The following NELL1 variants were observed in gnomAD, a reference collection of about 807,000 sequenced individuals.
NELL1 encodes the protein neural EGFL like 1, also known as protein kinase C-binding protein NELL1.
Under a neutral mutation model 107.4 loss-of-function variants are expected in NELL1, and 76 were observed. The ratio of observed to expected loss-of-function variants is 0.71; its 90% CI spans 0.59 to 0.86. The LOEUF is 0.86. NELL1 is among the 40% of genes least tolerant of loss of function. The pLI, the probability that NELL1 is intolerant of heterozygous loss-of-function variation, is 0.00. For missense variants in NELL1, 1,024 were observed against 1,005.5 expected, an observed-to-expected ratio of 1.02 and a Z score of -0.25; for synonymous variants, 353 against 341.2, an observed-to-expected ratio of 1.03 and a Z score of -0.38.
chr11:20,780,510 A>T (rs754801621), intron 2 of NELL1, among the ~76,000 whole-genome samples: 3 of 152,346 alleles, frequency 2.0e-5, no homozygotes, highest in South Asian at 2.1e-4. Context: ...TGGATAAAAC[A>T]ATGGATAAAT....
intron 15 of NELL1, among the ~76,000 whole-genome samples, chr11:21,517,668 C>A (rs906636608): frequency 2.0e-5 from 3 of 152,074 alleles, no homozygotes. Flanking sequence ...CTATGGCTAA[C>A]CCACACCATA....
At chr11:21,025,748 A>G (rs1474917482) in intron 12 of NELL1, among the ~76,000 whole-genome samples, 1 of 152,086 alleles carries the variant, frequency 6.6e-6, no homozygotes, top group African/African-American at 2.4e-5. Context: ...CTAGACTGAT[A>G]TTTTACTGAT....
chr11:21,163,445 G>A (rs889480298), intron 13 of NELL1, among the ~76,000 whole-genome samples: 7 of 152,140 alleles, frequency 4.6e-5, no homozygotes, highest in African/African-American at 1.7e-4. Flanking sequence ...GATGGGTTTG[G>A]CAGCTACGCT....
At chr11:21,554,238 T>C in intron 16 of NELL1, among the ~76,000 whole-genome samples, 1 of 151,908 alleles carries the variant, frequency 6.6e-6, no homozygotes, top group Non-Finnish European at 1.5e-5. Flanking sequence ...TTTCTTCGTC[T>C]ACAGTAAAAC....
chr11:20,761,555 T>C (rs555203143), intron 2 of NELL1, among the ~76,000 whole-genome samples: 2 of 152,342 alleles, frequency 1.3e-5, no homozygotes, highest in South Asian at 4.1e-4. Flanking sequence ...TAATCTTAGA[T>C]TTGTTTGTAA....
chr11:21,561,515 A>G (rs550092517), intron 17 of NELL1, among the ~76,000 whole-genome samples: 1 of 152,212 alleles, frequency 6.6e-6, no homozygotes, highest in African/African-American at 2.4e-5. Flanking sequence ...CACTACTTTG[A>G]AAGACAATGA....
intron 14 of NELL1, among the ~76,000 whole-genome samples, chr11:21,301,176 G>C (rs1279864624): frequency 6.6e-6 from 1 of 152,058 alleles, no homozygotes; most frequent in East Asian, 1.9e-4. Context: ...CCAAGTCTTT[G>C]CTATTGTGAA....
intron 3 of NELL1, among the ~76,000 whole-genome samples, chr11:20,816,769 T>C (rs546799881): frequency 2.6e-5 from 4 of 152,338 alleles, no homozygotes; most frequent in African/African-American, 9.6e-5. Context: ...TGTTGTTGGC[T>C]GTTGGTTTGT....
At chr11:21,278,426 T>G (rs1374315776) in intron 14 of NELL1, among the ~76,000 whole-genome samples, 1 of 152,094 alleles carries the variant, frequency 6.6e-6, no homozygotes, top group Non-Finnish European at 1.5e-5. Flanking sequence ...CTGAAACTAG[T>G]AAGTGACTAT....
At chr11:21,019,898 A>G (rs910996526) in intron 12 of NELL1, among the ~76,000 whole-genome samples, 1 of 152,066 alleles carries the variant, frequency 6.6e-6, no homozygotes, top group Non-Finnish European at 1.5e-5. Flanking sequence ...CTGCACTTAC[A>G]TCAACCACTG....
chr11:21,366,882 G>A (rs556667334), intron 14 of NELL1, among the ~76,000 whole-genome samples: 1 of 152,186 alleles, frequency 6.6e-6, no homozygotes, highest in East Asian at 1.9e-4. Context: ...AGAAGATTAT[G>A]AGAAGTGTTT....
intron 14 of NELL1, among the ~76,000 whole-genome samples, chr11:21,244,314 A>T (rs571105698): frequency 1.1e-3 from 162 of 152,248 alleles, no homozygotes; most frequent in African/African-American, 3.5e-3. Context: ...ATGCTTATTA[A>T]CTTTAAATAG....
chr11:21,002,809 T>C (rs1852252251), intron 12 of NELL1, among the ~76,000 whole-genome samples: 1 of 152,190 alleles, frequency 6.6e-6, no homozygotes, highest in African/African-American at 2.4e-5. Flanking sequence ...CACCTGCAGT[T>C]GTCACACTCT....
intron 14 of NELL1, among the ~76,000 whole-genome samples, chr11:21,272,922 C>T (rs1004091849): frequency 6.6e-6 from 1 of 152,050 alleles, no homozygotes; most frequent in Non-Finnish European, 1.5e-5. Flanking sequence ...TCATCAAAGA[C>T]CAAAGGTAGA....
chr11:21,218,498 C>T (rs1857672774), intron 13 of NELL1, among the ~76,000 whole-genome samples: 1 of 152,100 alleles, frequency 6.6e-6, no homozygotes, highest in Non-Finnish European at 1.5e-5. Flanking sequence ...TAGGAAAATT[C>T]AAAATTCTAT....
chr11:21,246,222 C>G (rs1397811788), intron 14 of NELL1, among the ~76,000 whole-genome samples: 1 of 152,154 alleles, frequency 6.6e-6, no homozygotes, highest in Non-Finnish European at 1.5e-5. Flanking sequence ...GAAGTATTGT[C>G]TCCATATTAT....
At chr11:20,968,847 G>C (rs996168968) in intron 12 of NELL1, among the ~76,000 whole-genome samples, 1 of 152,076 alleles carries the variant, frequency 6.6e-6, no homozygotes, top group African/African-American at 2.4e-5. Flanking sequence ...AAGGTTACCA[G>C]TGGGAGGTTT....
intron 3 of NELL1, among the ~76,000 whole-genome samples, chr11:20,795,978 G>A (rs1281219316): frequency 1.3e-5 from 2 of 151,984 alleles, no homozygotes; most frequent in African/African-American, 2.4e-5. Context: ...GTAAAGTGAA[G>A]GTATCCATTG....
At chr11:21,364,168 T>C (rs562475786) in intron 14 of NELL1, among the ~76,000 whole-genome samples, 1 of 152,100 alleles carries the variant, frequency 6.6e-6, no homozygotes, top group African/African-American at 2.4e-5. Flanking sequence ...CCCAGCACTT[T>C]GGGAGGCCGA....
Sources: gnomAD v4.1 joint callset for allele counts (sites outside exome capture counted in the v4.1 genomes callset) on GRCh38, gnomAD v4.1.1 for gene constraint, MANE v1.5 for transcripts, NCBI Gene and HGNC (gene_info 2026-07-23, HGNC 2026-07-21) for gene names.